Variants in APAF1 observed in about 807,000 individuals in gnomAD.
APAF1 encodes the protein apoptotic protease-activating factor 1.
In APAF1, 91 loss-of-function variants were observed where a neutral mutation model predicts 152.4. The observed-to-expected ratio is 0.60, with a 90% confidence interval of 0.50 to 0.71. The LOEUF (loss-of-function observed/expected upper bound fraction) is 0.71, where lower values mean the gene tolerates loss of function less well. APAF1 is among the 30% of genes least tolerant of loss of function. APAF1 has a pLI of 0.00. For missense variants in APAF1, 1,283 were observed against 1,472.0 expected (o/e 0.87, Z 2.10); for synonymous variants, 484 against 494.1 (o/e 0.98, Z 0.27).
In APAF1 at chr12:98,665,548, TA is replaced by T; in HGVS notation, c.956-2del. 3.1e-6 allele frequency: 5 copies of T among 1,598,872 alleles called. No homozygotes were observed. The highest frequency in any genetic ancestry group is 1.1e-5 in the South Asian group (1 of 90,722). On this transcript the variant is annotated splice_region_variant and splice_polypyrimidine_tract_variant and intron_variant, in intron 7 of 26. Transcript: ENST00000551964. ...TAGCATAGTGACTTCATTTTTTTTT[TA>T]AAGGCTCTCCCCTTGTAGTATCTTT...
At position 98,666,260 on chromosome 12, in the gene APAF1, C is replaced by A; in HGVS notation, c.1265C>A (p.Ser422Tyr). The A allele has an allele frequency of 6.2e-7, 1 of 1,613,732 alleles. No individual in the cohort carries two copies. ...ATACTGCAGGAGTTTGTAAATAAGTCTCTTTTATTCTGTGATCGGAATGGA... is the reference window on the plus strand; with the variant it reads ...ATACTGCAGGAGTTTGTAAATAAGTATCTTTTATTCTGTGATCGGAATGGA... ...EDILQEFVNK[S>Y]LLFCDRNGKS... The change falls in exon 9 of 27, where the codon TCT (serine) becomes TAT (tyrosine). Residue 422 changes from serine (S) to tyrosine (Y), a missense_variant. Physicochemically the swap from Ser to Tyr is moderately radical, Grantham distance 144. Transcript: ENST00000551964.
Position 98,677,470 on chromosome 12 carries a change from C to T in APAF1, c.1839C>T (p.Pro613=). The change falls in exon 13 of 27, where the codon CCC becomes CCT. Residue 613 remains proline (P), a synonymous_variant. Coordinates refer to ENST00000551964, the MANE Select transcript of APAF1 (RefSeq NM_181861.2). ...ATCTTTCCCGCTTAGTTGTCCGCCCCCACACAGATGCTGTTTACCATGCCT... is the reference window on the plus strand; with the variant it reads ...ATCTTTCCCGCTTAGTTGTCCGCCCTCACACAGATGCTGTTTACCATGCCT... ...ITNLSRLVVR[P]HTDAVYHACF... 6.2e-7 allele frequency: 1 copy of T among 1,614,118 alleles called. No homozygotes were observed. The highest frequency in any genetic ancestry group is 1.6e-4 in the Middle Eastern group (1 of 6,062).
At chr12:98,655,827 A>G (rs2097656747) in intron 4 of APAF1, among the ~76,000 whole-genome samples, 1 of 148,552 alleles carries the variant, frequency 6.7e-6, no homozygotes, top group South Asian at 2.1e-4. Context: ...TCTGTCGCCC[A>G]GGTTGGAGTG....
intron 12 of APAF1, among the ~76,000 whole-genome samples, chr12:98,675,395 G>C (rs1413292699): frequency 1.3e-5 from 2 of 152,082 alleles, no homozygotes; most frequent in Non-Finnish European, 2.9e-5. Flanking sequence ...TCTTAACTTT[G>C]CTAGAACTTA....
At chr12:98,691,518 T>G (rs2097704217) in intron 16 of APAF1, among the ~76,000 whole-genome samples, 1 of 152,200 alleles carries the variant, frequency 6.6e-6, no homozygotes, top group South Asian at 2.1e-4. Context: ...ACCTACTCCC[T>G]GCTTAACCAT....
intron 14 of APAF1, among the ~76,000 whole-genome samples, chr12:98,681,333 A>G (rs2097692017): frequency 6.6e-6 from 1 of 152,122 alleles, no homozygotes; most frequent in South Asian, 2.1e-4. Context: ...AAGTGCTGAG[A>G]TTATAGGCAT....
intron 4 of APAF1, among the ~76,000 whole-genome samples, chr12:98,656,040 C>T (rs770695547): frequency 2.6e-5 from 4 of 152,142 alleles, no homozygotes; most frequent in African/African-American, 9.7e-5. Flanking sequence ...ACCTCGGCCT[C>T]CCAAAGTGCT....
At chr12:98,695,070 C>T (rs1270764338) in intron 16 of APAF1, among the ~76,000 whole-genome samples, 6 of 149,352 alleles carry the variant, frequency 4.0e-5, no homozygotes, top group African/African-American at 4.9e-5. Context: ...TTTTCCCTCC[C>T]GAGATGGAGT....
In APAF1 at chr12:98,715,429, T is replaced by A. The variant is rs775142739; in HGVS notation, c.2961T>A (p.Ile987=). ...AFGDENGAIE[I]LELVNNRIFQ... ...TTCTGTGTTTTTCTGCTTTGAAGAT[T>A]TTAGAACTTGTAAACAATAGAATCT... is the stretch of plus-strand genomic sequence containing the variant. The change falls in exon 22 of 27, where the codon ATT becomes ATA. Residue 987 remains isoleucine (I), a splice_region_variant and synonymous_variant. Transcript: ENST00000551964. 6.2e-7 allele frequency: 1 copy of A among 1,613,366 alleles called. No homozygotes were observed. Among genetic ancestry groups the A allele is most frequent in the South Asian group, 1.1e-5 (1 of 91,048 alleles).
At chr12:98,690,417 A>G (rs1488413007) in intron 16 of APAF1, among the ~76,000 whole-genome samples, 2 of 152,152 alleles carry the variant, frequency 1.3e-5, no homozygotes, top group Non-Finnish European at 2.9e-5. Context: ...ATACCCGTGG[A>G]TGGATTTAGG....
Position 98,655,421 on chromosome 12 carries a change from C to T in APAF1, c.527-3739C>T, listed in dbSNP as rs1204399589. Reference sequence around the variant, plus strand: ...GTAGGGGCGGCCGGGCAGAGGCGCCCCTCACCTCCCGGACGGGGCGGCCGG... The same window carrying T: ...GTAGGGGCGGCCGGGCAGAGGCGCCTCTCACCTCCCGGACGGGGCGGCCGG... On this transcript the variant is annotated intron_variant, in intron 4 of 26. Transcript: ENST00000551964. Among the ~76,000 whole-genome samples the T allele has an allele frequency of 1.3e-5, 2 of 148,854 alleles. 1 individual carries two copies. The highest frequency in any genetic ancestry group is 3.0e-5 in the Non-Finnish European group (2 of 67,102).
chr12:98,699,235 A>G (rs17815365), intron 16 of APAF1, among the ~76,000 whole-genome samples, 173 bp from the exon 17 acceptor site: 5,580 of 152,324 alleles, frequency 0.037, 153 homozygotes, highest in Middle Eastern at 0.13. Flanking sequence ...TTAAGAACGT[A>G]ATAATGAAAC....
At chr12:98,653,691 AATAT>A (rs1346621120) in intron 4 of APAF1, among the ~76,000 whole-genome samples, 713 of 15,094 alleles carry the variant, frequency 0.047, 45 homozygotes, top group African/African-American at 0.08. Context: ...AAAAAAAAAA[AATAT>A]ATATATATAT....
At chr12:98,668,236 T>C (rs2097675871) in intron 10 of APAF1, among the ~76,000 whole-genome samples, 1 of 152,222 alleles carries the variant, frequency 6.6e-6, no homozygotes. Context: ...TAATTATTTT[T>C]GTTTTTACCT....
At chr12:98,660,636 TC>T (rs1565860021) in intron 5 of APAF1, among the ~76,000 whole-genome samples, 1 of 152,338 alleles carries the variant, frequency 6.6e-6, no homozygotes. Context: ...ATTTCTGTCA[TC>T]TTAACAGCCT....
At chr12:98,697,148 G>A (rs896335474) in intron 16 of APAF1, among the ~76,000 whole-genome samples, 1 of 152,186 alleles carries the variant, frequency 6.6e-6, no homozygotes, top group Non-Finnish European at 1.5e-5. Flanking sequence ...GCCCTGGAGT[G>A]TTCCCCTGTC....
At chr12:98,708,989 G>T (rs2097724848) in intron 20 of APAF1, among the ~76,000 whole-genome samples, 1 of 152,192 alleles carries the variant, frequency 6.6e-6, no homozygotes. Flanking sequence ...ACAAACTCAT[G>T]TTGTCTACAA....
rs527858275 is a variant in APAF1 at position 98,693,618 on chromosome 12, G to A, written c.2305-5790G>A. On this transcript the variant is annotated intron_variant, in intron 16 of 26. Transcript: ENST00000551964. The stretch of plus-strand genomic sequence containing the variant: ...TCCTTAAATGATTCAAACTTACCAG[G>A]CATTTTATAAGTCTTTTCTTGGAAA... Among the ~76,000 whole-genome samples, 5 of 152,112 alleles carry A rather than the reference G, an allele frequency of 3.3e-5. No homozygotes were observed. The South Asian group carries it at 1.0e-3, about 32-fold the overall frequency.
At chr12:98,725,588 C>G in intron 25 of APAF1, 48 bp downstream of exon 25, 1 of 1,613,160 alleles carries the variant, frequency 6.2e-7, no homozygotes. Context: ...GTAGCTTGGG[C>G]TAGCACTGTT....
Sources: allele counts gnomAD v4.1 joint callset (sites outside exome capture counted in the v4.1 genomes callset), GRCh38; gene constraint gnomAD v4.1.1; transcripts MANE v1.5; gene names NCBI Gene and HGNC (gene_info 2026-07-23, HGNC 2026-07-21).